Variants in LRRC17 observed in about 807,000 individuals in gnomAD.
LRRC17 encodes leucine rich repeat containing 17.
Under a neutral mutation model 41.5 loss-of-function variants are expected in LRRC17, and 33 were observed. The ratio of observed to expected loss-of-function variants is 0.80; its 90% CI spans 0.60 to 1.06. The LOEUF (loss-of-function observed/expected upper bound fraction) is 1.06, where lower values mean the gene tolerates loss of function less well. LRRC17 is among the 50% of genes least tolerant of loss of function. The pLI is 0.00. For missense variants in LRRC17, 491 were observed against 519.3 expected (o/e 0.95, Z 0.53); for synonymous variants, 192 against 197.0 (o/e 0.97, Z 0.21).
Position 102,923,756 on chromosome 7 carries a change from C to T in LRRC17, c.-140-10018C>T, listed in dbSNP as rs181572601. Among the ~76,000 whole-genome samples the T allele has an allele frequency of 4.4e-3, 661 of 151,782 alleles. 18 individuals carry two copies. Among genetic ancestry groups the T allele is most frequent in the Non-Finnish European group, 6.8e-4 (46 of 67,948 alleles). Reference sequence around the variant, plus strand: ...GGAGAATTGCTTTGAACCTGGGAGGCGGAGGTTGTAGTGAGCCAAGATTGC... The same window carrying T: ...GGAGAATTGCTTTGAACCTGGGAGGTGGAGGTTGTAGTGAGCCAAGATTGC... On this transcript the variant is annotated intron_variant, in intron 1 of 3. Coordinates refer to ENST00000339431, the MANE Select transcript of LRRC17 (RefSeq NM_001031692.3).
intron 1 of LRRC17, among the ~76,000 whole-genome samples, chr7:102,925,819 T>G (rs1331752825): frequency 1.3e-5 from 2 of 151,734 alleles, no homozygotes; most frequent in African/African-American, 2.4e-5. Flanking sequence ...TGGGCACCTG[T>G]AATCCCAACT....
intron 1 of LRRC17, among the ~76,000 whole-genome samples, chr7:102,920,372 G>GTT (rs148367277): frequency 2.0e-5 from 3 of 149,568 alleles, no homozygotes; most frequent in African/African-American, 7.3e-5. Context: ...CATACACTCA[G>GTT]TTTTTTTTTT....
intron 3 of LRRC17, among the ~76,000 whole-genome samples, chr7:102,942,754 G>T (rs527535298): frequency 2.9e-4 from 44 of 152,162 alleles, no homozygotes; most frequent in Admixed American, 1.3e-4. Flanking sequence ...GGAATTATGG[G>T]TTTTTTCTGA....
Position 102,933,839 on chromosome 7 carries a change from A to G in LRRC17, c.-75A>G. ...AGAACTGCATTAGTTAAGATTACCC[A>G]GACTTGGATTTCAAAGGAATACTTT... On this transcript the variant is annotated 5_prime_UTR_variant, in exon 2 of 4. Coordinates refer to ENST00000339431, the MANE Select transcript of LRRC17 (RefSeq NM_001031692.3). 1 of 1,439,638 alleles carries G rather than the reference A, an allele frequency of 6.9e-7. No individual in the cohort carries two copies. The highest frequency in any genetic ancestry group is 9.3e-7 in the Non-Finnish European group (1 of 1,078,338). 89.2% of individuals were successfully genotyped at this position (1,439,638 alleles called of 1,614,324 possible). A position where few individuals can be genotyped will look rare whatever the true frequency, so the allele number is the denominator to read the frequency against.
chr7:102,934,524 G>C lies in LRRC17; in HGVS notation c.611G>C (p.Arg204Pro), dbSNP rs201380677. 2 of 1,607,296 alleles carry C rather than the reference G, an allele frequency of 1.2e-6. No individual in the cohort carries two copies. The highest frequency in any genetic ancestry group is 1.7e-6 in the Non-Finnish European group (2 of 1,178,102). The change falls in exon 2 of 4, where the codon CGG becomes CCG. Residue 204 changes from arginine (R) to proline (P), a missense_variant. Transcript: ENST00000339431. ...SPQEQKNKKL[R>P]QIKSEQLCNE... ...CAAGAACAAAAAAATAAAAAACTGC[G>C]GCAGATAAAATCTGAACAGTTGTGT...
chr7:102,918,069 A>G (rs1202538350), intron 1 of LRRC17, among the ~76,000 whole-genome samples: 2 of 152,214 alleles, frequency 1.3e-5, no homozygotes, highest in Non-Finnish European at 2.9e-5. Context: ...TTGGAAAGAA[A>G]TACTAAAAGC....
intron 1 of LRRC17, among the ~76,000 whole-genome samples, chr7:102,922,045 CAG>C (rs1423359128): frequency 7.2e-5 from 11 of 152,052 alleles, no homozygotes; most frequent in Admixed American, 2.0e-4. Flanking sequence ...CAAAAATCAG[CAG>C]AGTGTGGTGG....
chr7:102,925,648 T>C (rs1414495753), intron 1 of LRRC17, among the ~76,000 whole-genome samples: 1 of 151,994 alleles, frequency 6.6e-6, no homozygotes, highest in East Asian at 2.0e-4. Context: ...GGCATTCTAT[T>C]ATAAAGAGGT....
At chr7:102,944,173 C>T in intron 3 of LRRC17, 37 bp from the exon 4 acceptor site, 1 of 1,549,526 alleles carries the variant, frequency 6.5e-7, no homozygotes, top group Non-Finnish European at 8.7e-7. Flanking sequence ...TGTATTAACT[C>T]AATTACTCAG....
chr7:102,926,131 G>GGGA, intron 1 of LRRC17: 1 of 652,428 alleles, frequency 1.5e-6, no homozygotes, highest in Non-Finnish European at 2.6e-6. Flanking sequence ...GGACTTGAAA[G>GGGA]CAGCAGACCC....
Position 102,944,751 on chromosome 7 carries a change from GTGA to G in LRRC17, c.*145_*147del. ...GCTTTCTTTAATTATAAGTATTATT[GTGA>G]CTATTATAGTAATCAAGAGAATGCT... On this transcript the variant is annotated 3_prime_UTR_variant, in exon 4 of 4. Transcript: ENST00000339431. 4 of 720,862 alleles carry G rather than the reference GTGA, an allele frequency of 5.5e-6. No individual in the cohort carries two copies. Among genetic ancestry groups the G allele is most frequent in the South Asian group, 2.0e-5 (1 of 49,306 alleles). 44.7% of individuals were successfully genotyped at this position (720,862 alleles called of 1,614,324 possible). A position where few individuals can be genotyped will look rare whatever the true frequency, so the allele number is the denominator to read the frequency against.
At chr7:102,922,905 G>A (rs1017458999) in intron 1 of LRRC17, among the ~76,000 whole-genome samples, 1 of 152,180 alleles carries the variant, frequency 6.6e-6, no homozygotes, top group East Asian at 1.9e-4. Context: ...ATGAACCCGG[G>A]AGGCGGAGCT....
intron 1 of LRRC17, among the ~76,000 whole-genome samples, chr7:102,921,123 G>A (rs1816912174): frequency 6.6e-6 from 1 of 152,158 alleles, no homozygotes; most frequent in African/African-American, 2.4e-5. Context: ...TTGCACTCCA[G>A]CCTGGGCAAC....
chr7:102,938,894 T>G (rs76621147), intron 2 of LRRC17, among the ~76,000 whole-genome samples: 1,725 of 152,352 alleles, frequency 0.011, 34 homozygotes, highest in African/African-American at 0.04. Flanking sequence ...CCAGGACTGC[T>G]GCTGACAATC....
chr7:102,929,764 T>G (rs1211707338), intron 1 of LRRC17, among the ~76,000 whole-genome samples: 1 of 151,708 alleles, frequency 6.6e-6, no homozygotes, highest in African/African-American at 2.4e-5. Context: ...GAAGGGTGAC[T>G]GTTGATGGGC....
At chr7:102,918,262 A>G (rs1381078202) in intron 1 of LRRC17, among the ~76,000 whole-genome samples, 1 of 152,232 alleles carries the variant, frequency 6.6e-6, no homozygotes, top group African/African-American at 2.4e-5. Context: ...CAAAAAAATC[A>G]GTATCAAGTA....
chr7:102,935,380 T>A (rs1223198149), intron 2 of LRRC17, among the ~76,000 whole-genome samples: 1 of 151,308 alleles, frequency 6.6e-6, no homozygotes, highest in African/African-American at 2.4e-5. Context: ...GCCTCTCGAG[T>A]AGCTGATTTT....
At chr7:102,937,463 C>G (rs1352474801) in intron 2 of LRRC17, among the ~76,000 whole-genome samples, 1 of 146,606 alleles carries the variant, frequency 6.8e-6, no homozygotes, top group African/African-American at 2.5e-5. Flanking sequence ...GCTGAGATCA[C>G]GCCACTGCAC....
At chr7:102,942,451 G>A (rs1821650843) in intron 3 of LRRC17, 3 of 947,080 alleles carry the variant, frequency 3.2e-6, no homozygotes, top group Non-Finnish European at 4.5e-6. Flanking sequence ...ACCCTACTAG[G>A]GGGTTTTTAC....
Sources: allele counts gnomAD v4.1 joint callset (sites outside exome capture counted in the v4.1 genomes callset), GRCh38; gene constraint gnomAD v4.1.1; transcripts MANE v1.5; gene names NCBI Gene and HGNC (gene_info 2026-07-23, HGNC 2026-07-21).